Variants in SLCO1B3 observed in about 807,000 individuals in gnomAD.
The protein encoded by SLCO1B3 is solute carrier organic anion transporter family member 1B3.
Under a neutral mutation model 71.8 loss-of-function variants are expected in SLCO1B3, and 72 were observed. The ratio of observed to expected loss-of-function variants is 1.00; its 90% CI spans 0.83 to 1.22. The LOEUF (loss-of-function observed/expected upper bound fraction) is 1.22, where lower values mean the gene tolerates loss of function less well. Ranked by LOEUF, SLCO1B3 falls within the 50% of genes most tolerant of loss-of-function variation. The pLI, the probability that SLCO1B3 is intolerant of heterozygous loss-of-function variation, is 0.00. For synonymous variants in SLCO1B3, 298 were observed against 278.4 expected, an observed-to-expected ratio of 1.07 and a Z score of -0.70; for missense variants, 911 against 819.7, an observed-to-expected ratio of 1.11 and a Z score of -1.36.
chr12:20,859,973 T>A (rs1865223052), intron 5 of SLCO1B3, among the ~76,000 whole-genome samples: 1 of 149,892 alleles, frequency 6.7e-6, no homozygotes, highest in Non-Finnish European at 1.5e-5. Context: ...TTTTTTTTTT[T>A]TGAGACGGAG....
At position 20,877,847 on chromosome 12, in the gene SLCO1B3, TA is replaced by T; in HGVS notation, c.1048del (p.Ser350AlafsTer32). On this transcript the variant is annotated frameshift_variant, in exon 10 of 16. Coordinates refer to ENST00000381545, the MANE Select transcript of SLCO1B3 (RefSeq NM_019844.4). LOFTEE classifies it high-confidence loss of function. The part of the protein sequence containing the change: ...VIFLLLTLLQ[V>X]SSFIGSFTYV... ...TTTCTGCTTTTGACATTGTTACAAG[TA>T]AGCAGCTTTATTGGTTCTTTTACTT... The T allele has an allele frequency of 6.3e-7, 1 of 1,586,994 alleles. No individual in the cohort carries two copies. Among genetic ancestry groups the T allele is most frequent in the South Asian group, 1.2e-5 (1 of 86,528 alleles).
chr12:20,821,869 G>A lies in SLCO1B3; in HGVS notation c.84+6047G>A, dbSNP rs1019501251. 7.9e-5 allele frequency among the ~76,000 whole-genome samples: 12 copies of A among 152,170 alleles called. No homozygotes were observed. In the East Asian group the frequency reaches 1.3e-3, roughly 17 times the overall value. On this transcript the variant is annotated intron_variant, in intron 3 of 15. Transcript: ENST00000381545. Reference sequence around the variant, plus strand: ...GCCTTCCCAGTCCGTGACCGGCACCGGAGTTTTGGGTCCACGGATAAAACA... The same window carrying A: ...GCCTTCCCAGTCCGTGACCGGCACCAGAGTTTTGGGTCCACGGATAAAACA...
chr12:20,817,559 T>C (rs1156303543), intron 3 of SLCO1B3, among the ~76,000 whole-genome samples: 1 of 152,128 alleles, frequency 6.6e-6, no homozygotes. Context: ...TATATGCCAG[T>C]ACCATGCTGT....
chr12:20,824,865 G>A (rs1864388269), intron 3 of SLCO1B3, among the ~76,000 whole-genome samples: 1 of 152,110 alleles, frequency 6.6e-6, no homozygotes, highest in Admixed American at 6.6e-5. Flanking sequence ...TCTGTCAAAT[G>A]TCAGAAGTTT....
At chr12:20,830,302 C>T (rs1258312511) in intron 3 of SLCO1B3, among the ~76,000 whole-genome samples, 2 of 152,102 alleles carry the variant, frequency 1.3e-5, no homozygotes, top group Non-Finnish European at 2.9e-5. Flanking sequence ...GTTTATTTTG[C>T]AAAGGTTAAG....
At chr12:20,821,167 G>T (rs12827890) in intron 3 of SLCO1B3, among the ~76,000 whole-genome samples, 35,523 of 151,840 alleles carry the variant, frequency 0.23, 4,303 homozygotes, top group African/African-American at 0.26. Flanking sequence ...GGGATGAATT[G>T]CATTGGGCAG....
In SLCO1B3 at chr12:20,815,750, T is replaced by C; in HGVS notation, c.12T>C (p.His4=). The part of the protein sequence containing the change: MDQ[H]QHLNKTAESA... The stretch of plus-strand genomic sequence containing the variant: ...TCTGTAGTTTAATAATGGACCAACA[T>C]CAACATTTGAATAAAACAGCAGAGT... The change falls in exon 3 of 16, where the codon CAT becomes CAC. Residue 4 remains histidine (H), a synonymous_variant. Transcript: ENST00000381545. 1 of 1,589,718 alleles carries C rather than the reference T, an allele frequency of 6.3e-7. No individual in the cohort carries two copies. The highest frequency in any genetic ancestry group is 8.6e-7 in the Non-Finnish European group (1 of 1,163,846).
chr12:20,860,921 C>T lies in SLCO1B3; in HGVS notation c.360-96C>T, dbSNP rs528184824. On this transcript the variant is annotated intron_variant, in intron 5 of 15. Coordinates refer to ENST00000381545, the MANE Select transcript of SLCO1B3 (RefSeq NM_019844.4). ...GATTCTGGTAATTTGGAGAAGACAG[C>T]GGTTCAAATAAAGGAGAAAATTTCT... 1.9e-4 allele frequency: 229 copies of T among 1,189,296 alleles called. 1 individual carries two copies. In the South Asian group the frequency reaches 2.6e-3, roughly 14 times the overall value. The allele number at this position is 1,189,296 out of a possible 1,614,324, so 73.7% of individuals were successfully genotyped here.
At chr12:20,831,554 C>T (rs144702243) in intron 3 of SLCO1B3, among the ~76,000 whole-genome samples, 4 of 152,150 alleles carry the variant, frequency 2.6e-5, no homozygotes, top group Admixed American at 1.3e-4. Context: ...TGTGTGTCTG[C>T]AGTTGAATTT....
At position 20,860,186 on chromosome 12, in the gene SLCO1B3, A is replaced by G. The variant is rs942904696; in HGVS notation, c.360-831A>G. On this transcript the variant is annotated intron_variant, in intron 5 of 15. Transcript: ENST00000381545. ...TAGCCAGGGTGGTCTGGATCTCCTGACCTCGTGATCTGCCCGCCTCCACCT... is the reference window on the plus strand; with the variant it reads ...TAGCCAGGGTGGTCTGGATCTCCTGGCCTCGTGATCTGCCCGCCTCCACCT... 4.6e-5 allele frequency among the ~76,000 whole-genome samples: 7 copies of G among 151,912 alleles called. No homozygotes were observed. In the East Asian group the frequency reaches 1.4e-3, roughly 29 times the overall value.
intron 12 of SLCO1B3, among the ~76,000 whole-genome samples, chr12:20,881,401 G>T (rs1206259748): frequency 6.6e-6 from 1 of 152,152 alleles, no homozygotes; most frequent in African/African-American, 2.4e-5. Flanking sequence ...AAAGTTCAGA[G>T]TTAGCCTGTT....
At position 20,916,519 on chromosome 12, in the gene SLCO1B3, G is replaced by A. The variant is rs568909978; in HGVS notation, c.*272G>A. The A allele has an allele frequency of 2.0e-4, 49 of 246,240 alleles. No individual in the cohort carries two copies. The highest frequency in any genetic ancestry group is 9.5e-4 in the African/African-American group (43 of 45,226). The allele number at this position is 246,240 out of a possible 1,614,324, so 15.3% of individuals were successfully genotyped here. On this transcript the variant is annotated 3_prime_UTR_variant, in exon 16 of 16. Coordinates refer to ENST00000381545, the MANE Select transcript of SLCO1B3 (RefSeq NM_019844.4). ...GTAGTTGTAACTGCTAATAAAACCA[G>A]TGACTAGAATATAAGGGAGGTAAAA...
intron 13 of SLCO1B3, 57 bp downstream of exon 13, chr12:20,883,659 A>G: frequency 9.1e-7 from 1 of 1,100,962 alleles, no homozygotes; most frequent in South Asian, 1.7e-5. Context: ...ACACCTAATG[A>G]TAGGCATATT....
intron 13 of SLCO1B3, among the ~76,000 whole-genome samples, chr12:20,897,413 T>G (rs1452306833): frequency 6.6e-6 from 1 of 152,216 alleles, no homozygotes; most frequent in African/African-American, 2.4e-5. Context: ...GCTAGCTCAT[T>G]GTGTTGGATT....
Position 20,879,650 on chromosome 12 carries a change from A to G in SLCO1B3, c.1331+19A>G, listed in dbSNP as rs1865652673. ...ATGATGGGTTTGTATATATTGCTAT[A>G]TAAATTGTGTAATATGTTAACCATC... is the stretch of plus-strand genomic sequence containing the variant. On this transcript the variant is annotated intron_variant, in intron 11 of 15. Transcript: ENST00000381545. 3.3e-6 allele frequency: 5 copies of G among 1,508,110 alleles called. No individual in the cohort carries two copies. The highest frequency in any genetic ancestry group is 2.0e-5 in the Admixed American group (1 of 49,946). 93.4% of individuals were successfully genotyped at this position (1,508,110 alleles called of 1,614,324 possible).
intron 3 of SLCO1B3, among the ~76,000 whole-genome samples, chr12:20,853,051 G>T (rs1865055338): frequency 6.6e-6 from 1 of 152,060 alleles, no homozygotes; most frequent in South Asian, 2.1e-4. Context: ...TTTAGTGAAT[G>T]TGATGTATTA....
intron 3 of SLCO1B3, among the ~76,000 whole-genome samples, chr12:20,834,791 C>A (rs1864639961): frequency 6.6e-6 from 1 of 152,092 alleles, no homozygotes; most frequent in African/African-American, 2.4e-5. Flanking sequence ...ACAGTGCAAT[C>A]CACAGTGTCA....
intron 8 of SLCO1B3, among the ~76,000 whole-genome samples, chr12:20,873,212 G>T (rs553146019): frequency 8.5e-5 from 13 of 152,076 alleles, no homozygotes; most frequent in Non-Finnish European, 1.9e-4. Flanking sequence ...AGCACCCAGG[G>T]GCCAAGTGTA....
intron 3 of SLCO1B3, among the ~76,000 whole-genome samples, chr12:20,824,275 C>T (rs894771188): frequency 2.0e-5 from 3 of 152,112 alleles, no homozygotes; most frequent in African/African-American, 7.2e-5. Context: ...TTTCAGTCTT[C>T]TATTAGTTTG....
Sources: allele counts gnomAD v4.1 joint callset (sites outside exome capture counted in the v4.1 genomes callset), GRCh38; gene constraint gnomAD v4.1.1; transcripts MANE v1.5; gene names NCBI Gene and HGNC (gene_info 2026-07-23, HGNC 2026-07-21).